Variants in MTUS2 observed in about 807,000 individuals in gnomAD.
MTUS2 encodes the protein microtubule-associated tumor suppressor candidate 2.
In MTUS2, 40 loss-of-function variants were observed where a neutral mutation model predicts 114.1. That is an observed-to-expected ratio of 0.35 (90% CI 0.27 to 0.46). The LOEUF is 0.46. MTUS2 is among the 20% of genes least tolerant of loss of function. The pLI is 1.00. For missense variants in MTUS2, 1,679 were observed against 1,705.4 expected (o/e 0.98, Z 0.27); for synonymous variants, 688 against 672.0 (o/e 1.02, Z -0.37).
At chr13:29,193,209 T>C (rs1321331928) in intron 5 of MTUS2, among the ~76,000 whole-genome samples, 1 of 152,114 alleles carries the variant, frequency 6.6e-6, no homozygotes, top group African/African-American at 2.4e-5. Flanking sequence ...TGACTATACT[T>C]CTTGTTTTCT....
chr13:29,440,291 CTG>C (rs772157240), intron 9 of MTUS2, among the ~76,000 whole-genome samples: 1 of 152,208 alleles, frequency 6.6e-6, no homozygotes, highest in Non-Finnish European at 1.5e-5. Flanking sequence ...CAGGTCTTGA[CTG>C]TGCTATTTGC....
chr13:29,114,444 C>T (rs1338665224), intron 5 of MTUS2, among the ~76,000 whole-genome samples: 2 of 152,294 alleles, frequency 1.3e-5, no homozygotes, highest in East Asian at 3.9e-4. Context: ...GTAAGAGCAG[C>T]AGAGCAGATG....
intron 4 of MTUS2, among the ~76,000 whole-genome samples, chr13:29,052,693 C>G (rs1214044442): frequency 2.0e-5 from 3 of 152,112 alleles, no homozygotes; most frequent in Non-Finnish European, 2.9e-5. Context: ...CTCTGACATG[C>G]TTCAGGGAAA....
intron 5 of MTUS2, among the ~76,000 whole-genome samples, chr13:29,214,675 T>A (rs949159343): frequency 1.3e-5 from 2 of 152,224 alleles, no homozygotes; most frequent in African/African-American, 2.4e-5. Flanking sequence ...TTTAAGAATG[T>A]TGAATATTGG....
At chr13:29,403,275 AG>A (rs1874491035) in intron 8 of MTUS2, among the ~76,000 whole-genome samples, 1 of 152,138 alleles carries the variant, frequency 6.6e-6, no homozygotes. Context: ...TTTCTTCAGC[AG>A]CTCTTACCCT....
chr13:29,039,856 A>T (rs1041152219), intron 4 of MTUS2, among the ~76,000 whole-genome samples: 2 of 152,218 alleles, frequency 1.3e-5, no homozygotes, highest in African/African-American at 4.8e-5. Context: ...GTTTTAGCAC[A>T]GGCAATGTTG....
chr13:29,327,387 C>T (rs1900568874), intron 7 of MTUS2, among the ~76,000 whole-genome samples: 1 of 152,064 alleles, frequency 6.6e-6, no homozygotes, highest in African/African-American at 2.4e-5. Flanking sequence ...TTTGTCATAC[C>T]ACCTGCCTAC....
rs116234168 is a variant in MTUS2 at position 29,276,605 on chromosome 13, A to G, written c.2645-5099A>G. Among the ~76,000 whole-genome samples, 785 of 152,278 alleles carry G rather than the reference A, an allele frequency of 5.2e-3. 10 individuals are homozygous for G. Among genetic ancestry groups the G allele is most frequent in the African/African-American group, 0.018 (752 of 41,568 alleles). Reference sequence around the variant, plus strand: ...CCACCAACCAGCTCAATATTTAAGAATAGTATAGGGGGCTGGGCACGGTGG... The same window carrying G: ...CCACCAACCAGCTCAATATTTAAGAGTAGTATAGGGGGCTGGGCACGGTGG... On this transcript the variant is annotated intron_variant, in intron 5 of 15. Transcript: ENST00000612955.
At chr13:29,092,673 G>A (rs1043719389) in intron 4 of MTUS2, among the ~76,000 whole-genome samples, 42 of 152,246 alleles carry the variant, frequency 2.8e-4, no homozygotes, top group African/African-American at 9.1e-4. Flanking sequence ...CCCGCCAGAC[G>A]AGTGGATGGG....
At chr13:29,478,145 G>A (rs1191226082) in intron 9 of MTUS2, among the ~76,000 whole-genome samples, 1 of 152,220 alleles carries the variant, frequency 6.6e-6, no homozygotes, top group Admixed American at 6.5e-5. Context: ...AACTGTCCCA[G>A]CCTGAAGGAG....
At chr13:29,487,545 G>A (rs187811777) in intron 10 of MTUS2, 23 of 250,150 alleles carry the variant, frequency 9.2e-5, no homozygotes, top group Admixed American at 7.5e-4. Flanking sequence ...AGACCACCTC[G>A]TAGGGAGGAC....
intron 7 of MTUS2, among the ~76,000 whole-genome samples, chr13:29,327,772 A>G (rs1302010531): frequency 6.6e-6 from 1 of 152,226 alleles, no homozygotes; most frequent in Admixed American, 6.5e-5. Context: ...TGGCTGGGTC[A>G]TATGGTAGCT....
intron 5 of MTUS2, among the ~76,000 whole-genome samples, chr13:29,170,098 G>A (rs1409024962): frequency 6.6e-6 from 1 of 152,286 alleles, no homozygotes; most frequent in Non-Finnish European, 1.5e-5. Flanking sequence ...GCAGACATGA[G>A]AACCATGGTG....
intron 5 of MTUS2, among the ~76,000 whole-genome samples, chr13:29,263,987 A>C (rs976327439): frequency 1.3e-5 from 2 of 152,234 alleles, no homozygotes; most frequent in East Asian, 3.8e-4. Flanking sequence ...TCACTAAAAA[A>C]GTCCAAAGTC....
chr13:29,483,977 A>C (rs1881397907), intron 10 of MTUS2: 1 of 152,138 alleles, frequency 6.6e-6, no homozygotes, highest in African/African-American at 2.4e-5. Context: ...GCATGCAAAG[A>C]TCAGGCTTGT....
At chr13:29,430,069 T>C (rs2138636052) in intron 8 of MTUS2, among the ~76,000 whole-genome samples, 1 of 152,330 alleles carries the variant, frequency 6.6e-6, no homozygotes, top group African/African-American at 2.4e-5. Flanking sequence ...AAAAGAAATA[T>C]AAAGCATTTG....
chr13:28,911,145 G>A (rs569194256), intron 2 of MTUS2, among the ~76,000 whole-genome samples: 6 of 149,036 alleles, frequency 4.0e-5, no homozygotes, highest in African/African-American at 1.2e-4. Context: ...AAAGTGCTGG[G>A]ATTACAGGCA....
chr13:29,129,610 G>A (rs1355498253), intron 5 of MTUS2, among the ~76,000 whole-genome samples: 1 of 152,088 alleles, frequency 6.6e-6, no homozygotes, highest in Non-Finnish European at 1.5e-5. Context: ...TACGTGTGAT[G>A]TTTTGTTACA....
intron 8 of MTUS2, among the ~76,000 whole-genome samples, chr13:29,425,428 C>CA (rs113619969): frequency 0.016 from 2,333 of 149,616 alleles, 63 homozygotes; most frequent in African/African-American, 0.051. Context: ...AACAAACATA[C>CA]AAAAAAAAGA....
Sources: allele counts gnomAD v4.1 joint callset (sites outside exome capture counted in the v4.1 genomes callset), GRCh38; gene constraint gnomAD v4.1.1; transcripts MANE v1.5; gene names NCBI Gene and HGNC (gene_info 2026-07-23, HGNC 2026-07-21).